RASSF3: variants seen among roughly 807,000 people sequenced by gnomAD.
RASSF3 encodes Ras association domain family member 3, also known as ras association domain-containing protein 3.
RASSF3 carries 19 observed loss-of-function variants against 19.9 expected under a neutral mutation model. The ratio of observed to expected loss-of-function variants is 0.96; its 90% CI spans 0.67 to 1.40. The LOEUF (loss-of-function observed/expected upper bound fraction) is 1.40, where lower values mean the gene tolerates loss of function less well. Among genes scored for constraint, RASSF3 ranks in the 40% most tolerant of loss-of-function variants. RASSF3 has a pLI of 0.00. For synonymous variants in RASSF3, 110 were observed against 104.2 expected (o/e 1.06, Z -0.34); for missense variants, 306 against 289.8 (o/e 1.06, Z -0.41).
chr12:64,683,139 G>A (rs1873200872), intron 1 of RASSF3, among the ~76,000 whole-genome samples: 1 of 152,238 alleles, frequency 6.6e-6, no homozygotes, highest in Non-Finnish European at 1.5e-5. Context: ...GAACACCCCT[G>A]TGGAATTACT....
chr12:64,689,788 A>ATTATTTTTTTTTTTTTT (rs1285995154), intron 3 of RASSF3, among the ~76,000 whole-genome samples: 1 of 42,918 alleles, frequency 2.3e-5, no homozygotes, highest in Non-Finnish European at 5.5e-5. Flanking sequence ...TAATTCGCTA[A>ATTATTTTTTTTTTTTTT]TTCTTTTTTT....
chr12:64,528,499 C>A (rs1033150326), upstream of RASSF3, among the ~76,000 whole-genome samples: 2 of 152,132 alleles, frequency 1.3e-5, no homozygotes, highest in African/African-American at 4.8e-5. Flanking sequence ...TCTAACTAGG[C>A]CAGGGCTCTT....
At position 64,583,303 on chromosome 12, in the gene RASSF3, T is replaced by C. The variant is rs1869734850; in HGVS notation, c.294+41598T>C. Among the ~76,000 whole-genome samples the C allele has an allele frequency of 3.9e-5, 6 of 152,166 alleles. No individual in the cohort carries two copies. In the South Asian group the frequency reaches 8.3e-4, roughly 21 times the overall value. ...TGGGGTGAAAAGCTCAAGTGTTCCA[T>C]GTCACACAGGGGAAATCAGATTTGT... On this transcript the variant is annotated intron_variant, in intron 2 of 5. Coordinates refer to the RASSF3 transcript ENST00000637125.
chr12:64,613,118 A>T (rs1418666724), intron 1 of RASSF3, among the ~76,000 whole-genome samples: 1 of 152,224 alleles, frequency 6.6e-6, no homozygotes, highest in African/African-American at 2.4e-5. Flanking sequence ...AATTCCTGGT[A>T]AGATTGGTGA....
At chr12:64,592,054 A>G (rs2136141009) in intron 2 of RASSF3, among the ~76,000 whole-genome samples, 1 of 152,072 alleles carries the variant, frequency 6.6e-6, no homozygotes, top group Non-Finnish European at 1.5e-5. Flanking sequence ...GGCGTATGCC[A>G]CATGCCTGGC....
chr12:64,543,313 G>C (rs1298516619), downstream of RASSF3, among the ~76,000 whole-genome samples: 2 of 151,230 alleles, frequency 1.3e-5, no homozygotes, highest in South Asian at 4.2e-4. Context: ...TCCCACAGCA[G>C]TGCCGGCCCA....
chr12:64,657,011 CTTTTTT>C (rs566413790), intron 1 of RASSF3, among the ~76,000 whole-genome samples: 3 of 135,746 alleles, frequency 2.2e-5, no homozygotes, highest in Non-Finnish European at 4.7e-5. Context: ...AGTATAGTTT[CTTTTTT>C]TTTTTTTTTT....
chr12:64,602,116 GA>G (rs113855938), intron 2 of RASSF3, among the ~76,000 whole-genome samples: 2,985 of 120,248 alleles, frequency 0.025, 69 homozygotes, highest in African/African-American at 0.068. Flanking sequence ...CTTCGTCTCA[GA>G]AAAAAAAAAA....
chr12:64,658,210 A>G (rs536725565), intron 1 of RASSF3, among the ~76,000 whole-genome samples: 14 of 152,258 alleles, frequency 9.2e-5, no homozygotes, highest in African/African-American at 3.4e-4. Flanking sequence ...ACCCACAGAC[A>G]TATTTTTTTT....
chr12:64,587,825 C>T (rs1869840522), intron 2 of RASSF3, among the ~76,000 whole-genome samples: 1 of 152,104 alleles, frequency 6.6e-6, no homozygotes, highest in Non-Finnish European at 1.5e-5. Flanking sequence ...CTATTTTTGT[C>T]CTAGTTTAAA....
chr12:64,541,507 A>G, intron 1 of RASSF3: 1 of 397,790 alleles, frequency 2.5e-6, no homozygotes, highest in Non-Finnish European at 4.4e-6. Context: ...AGGGGGTTCA[A>G]TTTCCCTTGG....
chr12:64,616,755 G>A (rs1030176358), intron 1 of RASSF3, among the ~76,000 whole-genome samples: 4 of 152,170 alleles, frequency 2.6e-5, no homozygotes, highest in Non-Finnish European at 4.4e-5. Flanking sequence ...CTCATGGCAA[G>A]CAGGCATTAC....
At chr12:64,564,375 ATTTCT>A (rs1363776312) in intron 2 of RASSF3, among the ~76,000 whole-genome samples, 2 of 139,954 alleles carry the variant, frequency 1.4e-5, no homozygotes, top group Non-Finnish European at 3.2e-5. Flanking sequence ...TCCCTAACAC[ATTTCT>A]TTTCTTTCTT....
chr12:64,515,539 G>A (rs1424338127), intron 1 of RASSF3: 3 of 151,876 alleles, frequency 2.0e-5, no homozygotes, highest in Admixed American at 6.6e-5. Flanking sequence ...TACTTCTTGA[G>A]TCCTACTTCT....
intron 1 of RASSF3, among the ~76,000 whole-genome samples, chr12:64,652,788 G>T (rs1872007984): frequency 6.6e-6 from 1 of 152,118 alleles, no homozygotes; most frequent in Non-Finnish European, 1.5e-5. Flanking sequence ...TGTTGATTTT[G>T]TTTCAGTATA....
intron 2 of RASSF3, among the ~76,000 whole-genome samples, chr12:64,558,568 G>A (rs1353472603): frequency 6.6e-6 from 1 of 152,138 alleles, no homozygotes; most frequent in Non-Finnish European, 1.5e-5. Flanking sequence ...CCGGTAAAAT[G>A]TGAGAAAAGG....
chr12:64,684,719 C>G (rs1227472893), intron 1 of RASSF3, 68 bp from the exon 2 acceptor site: 8 of 1,067,110 alleles, frequency 7.5e-6, no homozygotes, highest in Non-Finnish European at 1.2e-5. Flanking sequence ...GCGTGAGCCA[C>G]TGCGCCCGGC....
At chr12:64,558,792 G>C (rs549297553) in intron 2 of RASSF3, among the ~76,000 whole-genome samples, 1 of 152,118 alleles carries the variant, frequency 6.6e-6, no homozygotes, top group African/African-American at 2.4e-5. Flanking sequence ...CAGTCAATGG[G>C]TTGCAGATCT....
chr12:64,550,838 G>GAA (rs1208112067), intron 2 of RASSF3, among the ~76,000 whole-genome samples: 1 of 111,900 alleles, frequency 8.9e-6, no homozygotes, highest in East Asian at 2.3e-4. Flanking sequence ...AAAAAAGAAA[G>GAA]AAAGAAAGGA....
Sources: allele counts gnomAD v4.1 joint callset (sites outside exome capture counted in the v4.1 genomes callset), GRCh38; gene constraint gnomAD v4.1.1; transcripts MANE v1.5; gene names NCBI Gene and HGNC (gene_info 2026-07-23, HGNC 2026-07-21).